The following AKAP13 variants were observed in gnomAD, a reference collection of about 807,000 sequenced individuals.
AKAP13 encodes the protein A-kinase anchor protein 13.
A neutral mutation model predicts 264.5 loss-of-function variants in AKAP13; 80 were observed. The ratio of observed to expected loss-of-function variants is 0.30; its 90% CI spans 0.25 to 0.36. AKAP13 has a LOEUF of 0.36. Ranked by LOEUF, AKAP13 falls within the 10% of genes least tolerant of loss-of-function variation. The pLI is 1.00. For missense variants in AKAP13, 3,712 were observed against 3,435.2 expected (o/e 1.08, Z -2.01); for synonymous variants, 1,380 against 1,250.2 (o/e 1.10, Z -2.19).
intron 2 of AKAP13, among the ~76,000 whole-genome samples, chr15:85,503,602 G>C (rs12708553): frequency 0.51 from 77,158 of 152,012 alleles, 20,143 homozygotes; most frequent in Middle Eastern, 0.61. Context: ...CAGAGATGAC[G>C]ATTGTGCAAA....
In AKAP13 at chr15:85,639,470, C is replaced by G. The variant is rs746393218; in HGVS notation, c.4237+21C>G. On this transcript the variant is annotated intron_variant, in intron 9 of 36. Coordinates refer to ENST00000394518, the MANE Select transcript of AKAP13 (RefSeq NM_007200.5). ...CCCAGGTAAGCTGAGATTATCCATTCATTTTCTGGAGCTGCAGCCCCACTC... is the reference window on the plus strand; with the variant it reads ...CCCAGGTAAGCTGAGATTATCCATTGATTTTCTGGAGCTGCAGCCCCACTC... 2.5e-6 allele frequency: 4 copies of G among 1,585,900 alleles called. No individual in the cohort carries two copies. In the South Asian group the frequency reaches 4.4e-5, roughly 18 times the overall value.
rs117208746 is a variant in AKAP13 at position 85,595,209 on chromosome 15, C to T, written c.4161+9386C>T. On this transcript the variant is annotated intron_variant, in intron 8 of 36. Coordinates refer to ENST00000394518, the MANE Select transcript of AKAP13 (RefSeq NM_007200.5). Reference sequence around the variant, plus strand: ...CAACTTCCTGGGCTCAAGTGATACTCCCACCTCAGCCTCCAGAATAGCTGA... The same window carrying T: ...CAACTTCCTGGGCTCAAGTGATACTTCCACCTCAGCCTCCAGAATAGCTGA... Among the ~76,000 whole-genome samples, 624 of 152,138 alleles carry T rather than the reference C, an allele frequency of 4.1e-3. 3 individuals carry two copies. Among genetic ancestry groups the T allele is most frequent in the Non-Finnish European group, 7.1e-3 (484 of 68,006 alleles).
Position 85,664,667 on chromosome 15 carries a change from G to T in AKAP13, c.4904G>T (p.Ser1635Ile), listed in dbSNP as rs1301202455. 6.2e-7 allele frequency: 1 copy of T among 1,614,170 alleles called. No homozygotes were observed. The highest frequency in any genetic ancestry group is 1.1e-5 in the South Asian group (1 of 91,076). Reference sequence around the variant, plus strand: ...GCCGAAGAGCTCAGACACCCATTCAGTGGTGAGGAACGGGTTGACTCTTTG... The same window carrying T: ...GCCGAAGAGCTCAGACACCCATTCATTGGTGAGGAACGGGTTGACTCTTTG... ...ANAEELRHPF[S>I]GEERVDSLVS... The change falls in exon 13 of 37, where the codon AGT becomes ATT. Residue 1635 changes from serine to isoleucine, a missense_variant. Ser to Ile is a moderately radical substitution (Grantham distance 142). This residue lies in a region of AKAP13 where 2,759 missense variants were observed against 2,411.7 expected (regional missense o/e 1.14). Transcript: ENST00000394518.
chr15:85,396,255 T>G (rs1353434835), intron 1 of AKAP13, among the ~76,000 whole-genome samples: 1 of 152,208 alleles, frequency 6.6e-6, no homozygotes, highest in Non-Finnish European at 1.5e-5. Context: ...TCTATACAGC[T>G]CTTGCCTGAT....
chr15:85,707,970 G>A (rs773670545), intron 17 of AKAP13, 49 bp from the exon 18 acceptor site: 1 of 1,592,194 alleles, frequency 6.3e-7, no homozygotes, highest in South Asian at 1.1e-5. Flanking sequence ...CTCAGAATCT[G>A]GGATCTGTTT....
intron 8 of AKAP13, among the ~76,000 whole-genome samples, chr15:85,636,318 G>T (rs1246688696): frequency 6.6e-6 from 1 of 152,018 alleles, no homozygotes; most frequent in East Asian, 1.9e-4. Flanking sequence ...TTTCTACATA[G>T]GCAGTCACGC....
At chr15:85,565,963 T>C (rs1416923631) in intron 5 of AKAP13, among the ~76,000 whole-genome samples, 4 of 152,260 alleles carry the variant, frequency 2.6e-5, no homozygotes, top group Admixed American at 2.0e-4. Context: ...TCTGAGCTGC[T>C]TTATTCACAG....
At chr15:85,421,031 T>C (rs887728173) in intron 1 of AKAP13, among the ~76,000 whole-genome samples, 1 of 152,206 alleles carries the variant, frequency 6.6e-6, no homozygotes, top group Non-Finnish European at 1.5e-5. Flanking sequence ...ATATAGACTT[T>C]TATTAAACAA....
chr15:85,554,899 T>C (rs1450798766), intron 5 of AKAP13, among the ~76,000 whole-genome samples: 1 of 152,208 alleles, frequency 6.6e-6, no homozygotes, highest in Non-Finnish European at 1.5e-5. Flanking sequence ...TATAAAACTT[T>C]TTTTGTTTAA....
At chr15:85,725,961 A>T (rs1436321095) in intron 26 of AKAP13, among the ~76,000 whole-genome samples, 1 of 152,202 alleles carries the variant, frequency 6.6e-6, no homozygotes, top group Non-Finnish European at 1.5e-5. Context: ...TTTGGGCAGC[A>T]TTCCTGTCTC....
chr15:85,400,988 A>G (rs1247866907), intron 1 of AKAP13, among the ~76,000 whole-genome samples: 1 of 151,778 alleles, frequency 6.6e-6, no homozygotes, highest in Admixed American at 6.6e-5. Flanking sequence ...CAACCTCCCA[A>G]GTAGCTGGGA....
intron 1 of AKAP13, among the ~76,000 whole-genome samples, chr15:85,423,233 C>G (rs1469164808): frequency 1.3e-5 from 2 of 152,200 alleles, no homozygotes; most frequent in African/African-American, 4.8e-5. Context: ...CATTGATTGA[C>G]TCTCCTTGAC....
intron 2 of AKAP13, among the ~76,000 whole-genome samples, chr15:85,496,999 C>T (rs1193791113): frequency 6.6e-6 from 1 of 152,032 alleles, no homozygotes; most frequent in Non-Finnish European, 1.5e-5. Context: ...CTCATTTTTC[C>T]TTGGCATTTT....
Position 85,724,799 on chromosome 15 carries a change from G to A in AKAP13, c.6745+1479G>A, listed in dbSNP as rs1297341257. Among the ~76,000 whole-genome samples the A allele has an allele frequency of 1.3e-5, 2 of 151,980 alleles. No homozygotes were observed. Among genetic ancestry groups the A allele is most frequent in the Non-Finnish European group, 2.9e-5 (2 of 68,020 alleles). On this transcript the variant is annotated intron_variant, in intron 26 of 36. Transcript: ENST00000394518. The surrounding 1 kb of genome is among the most constrained non-coding windows in gnomAD (Gnocchi z 4.2). ...AGACTGTGCAGTGCTTTGGGGAAGA[G>A]CTCATCTGGGCCTGCATTGTAGCAG...
Position 85,708,025 on chromosome 15 carries a change from G to T in AKAP13, c.5471G>T (p.Ser1824Ile). ...NKDAYTCANC[S>I]AFVHKGCRES... The stretch of plus-strand genomic sequence containing the variant: ...GGGTTTGCTTTCTTTTCAGATTGCA[G>T]TGCTTTTGTCCACAAAGGCTGCCGA... The change falls in exon 18 of 37, where the codon AGT becomes ATT. Residue 1824 changes from serine to isoleucine, a missense_variant. Coordinates refer to ENST00000394518, the MANE Select transcript of AKAP13 (RefSeq NM_007200.5). This position sits in a 1 kb window ranked among gnomAD's most constrained non-coding sequence, Gnocchi z 4.3. The T allele has an allele frequency of 6.2e-7, 1 of 1,613,878 alleles. No individual in the cohort carries two copies. Among genetic ancestry groups the T allele is most frequent in the Non-Finnish European group, 8.5e-7 (1 of 1,179,806 alleles).
chr15:85,665,551 T>G (rs1011218171), intron 13 of AKAP13, among the ~76,000 whole-genome samples: 1 of 152,220 alleles, frequency 6.6e-6, no homozygotes, highest in South Asian at 2.1e-4. Context: ...TTTTACACTT[T>G]AAGTTCTAGG....
intron 1 of AKAP13, among the ~76,000 whole-genome samples, chr15:85,388,698 G>C (rs75668490): frequency 0.013 from 1,947 of 152,200 alleles, 46 homozygotes; most frequent in African/African-American, 0.045. Flanking sequence ...ATTTAGTCGT[G>C]ATGTATTATT....
intron 1 of AKAP13, among the ~76,000 whole-genome samples, chr15:85,426,202 A>G (rs952261365): frequency 9.2e-5 from 14 of 152,356 alleles, no homozygotes; most frequent in African/African-American, 3.4e-4. Flanking sequence ...ATTAATACTA[A>G]TGGGTCCCTC....
chr15:85,482,614 G>A (rs2075386340), intron 1 of AKAP13, among the ~76,000 whole-genome samples: 2 of 152,258 alleles, frequency 1.3e-5, no homozygotes, highest in East Asian at 1.9e-4. Context: ...AAAAACACAC[G>A]TTTTAACGTC....
Sources: gnomAD v4.1 joint callset for allele counts (sites outside exome capture counted in the v4.1 genomes callset) on GRCh38, gnomAD v4.1.1 for gene constraint, gnomAD v4.1.1 regional missense constraint, Gnocchi (gnomAD v3.1) non-coding constraint, MANE v1.5 for transcripts, NCBI Gene and HGNC (gene_info 2026-07-23, HGNC 2026-07-21) for gene names.